PCCA: variants seen among roughly 807,000 people sequenced by gnomAD.
PCCA encodes propionyl-CoA carboxylase alpha chain, mitochondrial.
Under a neutral mutation model 101.3 loss-of-function variants are expected in PCCA, and 74 were observed. The observed-to-expected ratio is 0.73, with a 90% CI of 0.61 to 0.89. The LOEUF (loss-of-function observed/expected upper bound fraction) is 0.89, where lower values mean the gene tolerates loss of function less well. Ranked by LOEUF, PCCA falls within the 40% of genes least tolerant of loss-of-function variation. PCCA has a pLI of 0.00. For missense variants in PCCA, 891 were observed against 907.0 expected, an observed-to-expected ratio of 0.98 and a Z score of 0.23; for synonymous variants, 294 against 313.6, an observed-to-expected ratio of 0.94 and a Z score of 0.66.
intron 14 of PCCA, chr13:100,305,810 G>T (rs1390515942): frequency 2.2e-5 from 10 of 445,916 alleles, no homozygotes; most frequent in Non-Finnish European, 4.1e-5. Flanking sequence ...TATGTTTTCA[G>T]AAAATAGAAA....
rs76323518 is a variant in PCCA, at chr13:100,313,691, A to G, written c.1429+3783A>G. Among the ~76,000 whole-genome samples, 525 of 152,314 alleles carry G rather than the reference A, an allele frequency of 3.4e-3. 8 individuals carry two copies. The highest frequency in any genetic ancestry group is 0.012 in the African/African-American group (510 of 41,578). On this transcript the variant is annotated intron_variant, in intron 16 of 23. Coordinates refer to ENST00000376285, the MANE Select transcript of PCCA (RefSeq NM_000282.4). ...GGGCTGTTTTCATTGTTTTACAGTT[A>G]AAGTATAAATTAAATTCCTCTTATA... is the stretch of plus-strand genomic sequence containing the variant.
chr13:100,135,189 T>G (rs2051014698), intron 4 of PCCA, among the ~76,000 whole-genome samples: 1 of 151,642 alleles, frequency 6.6e-6, no homozygotes, highest in Admixed American at 6.6e-5. Flanking sequence ...GCCAGGAGTT[T>G]GAGACCAGCC....
intron 4 of PCCA, among the ~76,000 whole-genome samples, chr13:100,125,796 C>T (rs1184841222): frequency 6.6e-6 from 1 of 152,072 alleles, no homozygotes; most frequent in Non-Finnish European, 1.5e-5. Context: ...TTTGACTTGG[C>T]TAAATTATTT....
chr13:100,342,679 C>T (rs546816383), intron 18 of PCCA, among the ~76,000 whole-genome samples: 8 of 150,504 alleles, frequency 5.3e-5, no homozygotes, highest in Admixed American at 2.0e-4. Context: ...GTGCTACCTG[C>T]GGTGTGATTT....
chr13:100,143,752 T>A (rs1019740831), intron 4 of PCCA, among the ~76,000 whole-genome samples: 1 of 151,896 alleles, frequency 6.6e-6, no homozygotes, highest in Non-Finnish European at 1.5e-5. Flanking sequence ...TTCTTTTTGT[T>A]GTTGTTGTTT....
At chr13:100,402,475 A>G (rs759404835) in intron 19 of PCCA, among the ~76,000 whole-genome samples, 5 of 152,192 alleles carry the variant, frequency 3.3e-5, no homozygotes, top group African/African-American at 4.8e-5. Flanking sequence ...TTTTAATACA[A>G]TAGATACTTA....
intron 19 of PCCA, among the ~76,000 whole-genome samples, chr13:100,404,668 A>G (rs906079122): frequency 6.6e-6 from 1 of 152,142 alleles, no homozygotes; most frequent in African/African-American, 2.4e-5. Context: ...GCATCCCTGA[A>G]TCCCAGCAAC....
chr13:100,226,136 CTT>C lies in PCCA; in HGVS notation c.601-9704_601-9703del, dbSNP rs2060133653. Among the ~76,000 whole-genome samples the C allele has an allele frequency of 3.3e-5, 5 of 152,272 alleles. 1 individual carries two copies. The highest frequency in any genetic ancestry group is 1.2e-4 in the African/African-American group (5 of 41,548). ...AAAACAGAAAGAATCTTCTGCCTGA[CTT>C]TGAGTTAACTGGATTATGTGGAAGC... On this transcript the variant is annotated intron_variant, in intron 7 of 23. Transcript: ENST00000376285.
rs1160550904 is a variant in PCCA at position 100,102,878 on chromosome 13, TG to T, written c.106-4del. 1 of 1,606,848 alleles carries T rather than the reference TG, an allele frequency of 6.2e-7. No individual in the cohort carries two copies. The highest frequency in any genetic ancestry group is 8.5e-7 in the Non-Finnish European group (1 of 1,173,470). ...GCAATTTATTTTGCTTTCCTTTTTT[TG>T]TAGCATGTTCTGTACTATTCAAGAC... On this transcript the variant is annotated splice_region_variant and splice_polypyrimidine_tract_variant and intron_variant, in intron 1 of 23. Transcript: ENST00000376285.
Position 100,239,596 on chromosome 13 carries a change from C to A in PCCA, c.637+3718C>A, listed in dbSNP as rs146193592. Among the ~76,000 whole-genome samples the A allele has an allele frequency of 1.1e-4, 16 of 152,172 alleles. No homozygotes were observed. In the East Asian group the frequency reaches 3.1e-3, roughly 29 times the overall value. On this transcript the variant is annotated intron_variant, in intron 8 of 23. Transcript: ENST00000376285. ...AGTTGAGAGATACAGAGCTATTGAT[C>A]CTCAGTTTGTCTTTAACCTCAATGA...
chr13:100,524,873 AAGAT>A (rs1188787548), intron 22 of PCCA, among the ~76,000 whole-genome samples: 4 of 152,270 alleles, frequency 2.6e-5, no homozygotes, highest in African/African-American at 4.8e-5. Flanking sequence ...TTCTGTCTCT[AAGAT>A]AGATAGATAG....
intron 10 of PCCA, among the ~76,000 whole-genome samples, chr13:100,264,078 T>A (rs2062747482): frequency 6.9e-6 from 1 of 144,472 alleles, no homozygotes; most frequent in South Asian, 2.2e-4. Flanking sequence ...CTGTATATCG[T>A]ATATATACGG....
intron 7 of PCCA, among the ~76,000 whole-genome samples, chr13:100,220,560 C>T (rs569636818): frequency 2.0e-5 from 3 of 152,196 alleles, no homozygotes; most frequent in South Asian, 4.1e-4. Context: ...CATGTGCCAC[C>T]GCGCCCCGTC....
intron 6 of PCCA, among the ~76,000 whole-genome samples, chr13:100,197,941 G>A (rs186461403): frequency 1.5e-3 from 224 of 152,226 alleles, no homozygotes; most frequent in South Asian, 5.8e-3. Flanking sequence ...GTAATATTGC[G>A]TAGGAGTACC....
At chr13:100,160,370 G>GC (rs751177513) in intron 6 of PCCA, among the ~76,000 whole-genome samples, 11 of 152,058 alleles carry the variant, frequency 7.2e-5, no homozygotes, top group Non-Finnish European at 1.6e-4. Context: ...AGGTATGGTG[G>GC]CACGAGCCTT....
intron 21 of PCCA, among the ~76,000 whole-genome samples, chr13:100,475,972 C>T (rs1002247507): frequency 6.6e-6 from 1 of 151,972 alleles, no homozygotes; most frequent in African/African-American, 2.4e-5. Context: ...CAAACTTGAC[C>T]CCCCAAAAGC....
intron 4 of PCCA, chr13:100,154,742 G>A (rs1212455489): frequency 2.0e-6 from 1 of 494,414 alleles, no homozygotes; most frequent in African/African-American, 2.0e-5. Context: ...AGAGATAGGG[G>A]ATATTATGGA....
chr13:100,519,255 A>T (rs1040694908), intron 22 of PCCA, among the ~76,000 whole-genome samples: 1 of 152,246 alleles, frequency 6.6e-6, no homozygotes, highest in African/African-American at 2.4e-5. Context: ...TTTCTTTCTT[A>T]ACAATTAGTG....
At chr13:100,440,796 A>C (rs1001591293) in intron 20 of PCCA, among the ~76,000 whole-genome samples, 2 of 152,140 alleles carry the variant, frequency 1.3e-5, no homozygotes, top group African/African-American at 4.8e-5. Context: ...TATAACTTAG[A>C]ATAAGTAGAG....
Sources: allele counts gnomAD v4.1 joint callset (sites outside exome capture counted in the v4.1 genomes callset), GRCh38; gene constraint gnomAD v4.1.1; transcripts MANE v1.5; gene names NCBI Gene and HGNC (gene_info 2026-07-23, HGNC 2026-07-21).